The following TRPM7 variants were observed in gnomAD, a reference collection of about 807,000 sequenced individuals.
The protein encoded by TRPM7 is transient receptor potential cation channel subfamily M member 7.
Under a neutral mutation model 229.7 loss-of-function variants are expected in TRPM7, and 134 were observed. The observed-to-expected ratio is 0.58, with a 90% CI of 0.51 to 0.67. The LOEUF is 0.67. Ranked by LOEUF, TRPM7 falls within the 30% of genes least tolerant of loss-of-function variation. TRPM7 has a pLI of 0.00. For synonymous variants in TRPM7, 699 were observed against 715.2 expected (o/e 0.98, Z 0.36); for missense variants, 1,901 against 2,210.0 (o/e 0.86, Z 2.80).
intron 1 of TRPM7, among the ~76,000 whole-genome samples, chr15:50,671,880 G>C (rs2061996542): frequency 6.6e-6 from 1 of 152,106 alleles, no homozygotes; most frequent in Non-Finnish European, 1.5e-5. Context: ...TTGGGTATTT[G>C]TTTTGATATT....
chr15:50,621,044 A>T (rs2140548485), intron 12 of TRPM7, among the ~76,000 whole-genome samples: 1 of 151,376 alleles, frequency 6.6e-6, no homozygotes, highest in African/African-American at 2.4e-5. Context: ...CTGTAGTCCC[A>T]GCTACTCGGG....
intron 1 of TRPM7, among the ~76,000 whole-genome samples, chr15:50,672,210 C>T (rs2062004647): frequency 6.6e-6 from 1 of 152,086 alleles, no homozygotes; most frequent in African/African-American, 2.4e-5. Context: ...ACCACCACCA[C>T]ACCCAGCTAA....
intron 29 of TRPM7, among the ~76,000 whole-genome samples, chr15:50,582,125 A>G (rs2054445337): frequency 6.6e-6 from 1 of 151,942 alleles, no homozygotes; most frequent in South Asian, 2.1e-4. Flanking sequence ...CCACACCCAG[A>G]TAAGTTTTGA....
Position 50,639,528 on chromosome 15 carries a change from C to G in TRPM7, c.556G>C (p.Asp186His), listed in dbSNP as rs757339757. ...CTGGAAGCATGTTCTTTGAGGGCAT[C>G]TCCAACATGTTTTGCCACACCTGTT... ...VNTGVAKHVG[D>H]ALKEHASRSS... Residue 186 changes from aspartate (D) to histidine (H), a missense_variant, in exon 6 of 39, where the codon GAT (aspartate) becomes CAT (histidine). By Grantham distance (81) the Asp-to-His change is moderately conservative. This residue lies in a region of TRPM7 where 794 missense variants were observed against 881.9 expected (regional missense o/e 0.90). Transcript: ENST00000646667. 6.2e-7 allele frequency: 1 copy of G among 1,610,390 alleles called. No individual in the cohort carries two copies.
chr15:50,596,395 A>T lies in TRPM7; in HGVS notation c.3164-14T>A. ...CATTTGCACACACTTTAGAGAGAAA[A>T]AAAGAAAAAAACAAAAACAACTTAA... On this transcript the variant is annotated splice_polypyrimidine_tract_variant and intron_variant, in intron 22 of 38. Coordinates refer to ENST00000646667, the MANE Select transcript of TRPM7 (RefSeq NM_017672.6). 6.4e-7 allele frequency: 1 copy of T among 1,558,842 alleles called. No individual in the cohort carries two copies. The highest frequency in any genetic ancestry group is 8.6e-7 in the Non-Finnish European group (1 of 1,160,650).
chr15:50,587,252 T>C (rs2059367214), intron 27 of TRPM7, among the ~76,000 whole-genome samples: 1 of 152,144 alleles, frequency 6.6e-6, no homozygotes, highest in African/African-American at 2.4e-5. Context: ...AGGTTATCTA[T>C]ATGCTCACTA....
intron 13 of TRPM7, among the ~76,000 whole-genome samples, chr15:50,614,565 T>C (rs1378925849): frequency 3.3e-5 from 5 of 149,640 alleles, no homozygotes; most frequent in Non-Finnish European, 7.4e-5. Flanking sequence ...CTCAAGAGGC[T>C]GAGGCAGGAG....
At chr15:50,651,912 T>C (rs955195755) in intron 3 of TRPM7, among the ~76,000 whole-genome samples, 2 of 151,596 alleles carry the variant, frequency 1.3e-5, no homozygotes, top group Non-Finnish European at 2.9e-5. Context: ...AATAAATAAA[T>C]AAAATAATAA....
intron 21 of TRPM7, among the ~76,000 whole-genome samples, chr15:50,600,156 A>G (rs2059738222): frequency 6.6e-6 from 1 of 152,196 alleles, no homozygotes; most frequent in African/African-American, 2.4e-5. Context: ...TGAATATACG[A>G]CCAGGAACAG....
chr15:50,573,892 A>G (rs939943016), intron 36 of TRPM7, among the ~76,000 whole-genome samples: 2 of 152,160 alleles, frequency 1.3e-5, no homozygotes, highest in African/African-American at 4.8e-5. Flanking sequence ...AACCTTGTCT[A>G]CTAAAAATAC....
intron 4 of TRPM7, among the ~76,000 whole-genome samples, chr15:50,646,430 G>C (rs1369491223): frequency 4.6e-5 from 7 of 152,030 alleles, no homozygotes; most frequent in Non-Finnish European, 7.4e-5. Flanking sequence ...CTACAGGCGT[G>C]TATCAGCATG....
At chr15:50,569,848 T>C (rs1033314229) in intron 38 of TRPM7, 39 bp downstream of exon 38, 1 of 1,405,440 alleles carries the variant, frequency 7.1e-7, no homozygotes, top group South Asian at 1.3e-5. Flanking sequence ...CCAAGTTTCG[T>C]AACAATTTAT....
chr15:50,568,633 C>A (rs1566934323), intron 38 of TRPM7, among the ~76,000 whole-genome samples: 1 of 152,090 alleles, frequency 6.6e-6, no homozygotes, highest in African/African-American at 2.4e-5. Context: ...GCTCTTGAGT[C>A]TAAGCTCTTA....
chr15:50,586,377 G>T lies in TRPM7; in HGVS notation c.4486+15C>A. 1 of 1,524,140 alleles carries T rather than the reference G, an allele frequency of 6.6e-7. No homozygotes were observed. Among genetic ancestry groups the T allele is most frequent in the Non-Finnish European group, 9.1e-7 (1 of 1,099,512 alleles). The allele number at this position is 1,524,140 out of a possible 1,614,324, so 94.4% of individuals were successfully genotyped here. On this transcript the variant is annotated intron_variant, in intron 28 of 38. Transcript: ENST00000646667. ...GTATGTTTTCTGACACTATTCATAT[G>T]GTCAAAATACTCACCTTGTTTTGAA... is the stretch of plus-strand genomic sequence containing the variant.
intron 6 of TRPM7, among the ~76,000 whole-genome samples, chr15:50,638,824 G>A (rs951831742): frequency 2.0e-5 from 3 of 151,860 alleles, no homozygotes; most frequent in Non-Finnish European, 2.9e-5. Flanking sequence ...TAGCTAGGAG[G>A]CACAGGCCAC....
intron 30 of TRPM7, among the ~76,000 whole-genome samples, chr15:50,580,313 C>A (rs1035156587): frequency 6.6e-6 from 1 of 152,024 alleles, no homozygotes; most frequent in Non-Finnish European, 1.5e-5. Flanking sequence ...ACCCTTATGT[C>A]TAATATGTAC....
In TRPM7 at chr15:50,633,132, T is replaced by C. The variant is rs574274075; in HGVS notation, c.1008-140A>G. The C allele has an allele frequency of 4.0e-5, 25 of 632,658 alleles. No individual in the cohort carries two copies. The South Asian group carries it at 8.4e-4, about 21-fold the overall frequency. The allele number at this position is 632,658 out of a possible 1,614,324, so 39.2% of individuals were successfully genotyped here. ...ACTTCACCTTGGGTGGGATTATTTC[T>C]TCCTACATGAGACTCCCAACACAAA... On this transcript the variant is annotated intron_variant, in intron 8 of 38. Coordinates refer to ENST00000646667, the MANE Select transcript of TRPM7 (RefSeq NM_017672.6).
intron 3 of TRPM7, among the ~76,000 whole-genome samples, chr15:50,652,916 CTT>C (rs1465529733): frequency 6.6e-6 from 1 of 152,160 alleles, no homozygotes; most frequent in Non-Finnish European, 1.5e-5. Context: ...AATCCCAGCA[CTT>C]TGAGAGGCCA....
chr15:50,612,480 G>GT, intron 16 of TRPM7, 69 bp downstream of exon 16: 2 of 1,428,920 alleles, frequency 1.4e-6, no homozygotes, highest in Non-Finnish European at 9.6e-7. Flanking sequence ...ACGTGGCACT[G>GT]TAACAGCCAC....
Sources: gnomAD v4.1 joint callset for allele counts (sites outside exome capture counted in the v4.1 genomes callset) on GRCh38, gnomAD v4.1.1 for gene constraint, gnomAD v4.1.1 regional missense constraint, MANE v1.5 for transcripts, NCBI Gene and HGNC (gene_info 2026-07-23, HGNC 2026-07-21) for gene names.